SULT1E1: variants seen among roughly 807,000 people sequenced by gnomAD.
The protein encoded by SULT1E1 is sulfotransferase family 1E member 1, also known as sulfotransferase 1E1.
Under a neutral mutation model 33.6 loss-of-function variants are expected in SULT1E1, and 36 were observed. The ratio of observed to expected loss-of-function variants is 1.07; its 90% CI spans 0.82 to 1.41. The LOEUF is 1.41. Ranked by LOEUF, SULT1E1 falls within the 40% of genes most tolerant of loss-of-function variation. The pLI is 0.00. For synonymous variants in SULT1E1, 121 were observed against 111.7 expected, an observed-to-expected ratio of 1.08 and a Z score of -0.53; for missense variants, 371 against 345.7, an observed-to-expected ratio of 1.07 and a Z score of -0.58.
rs138080097 is a variant in SULT1E1, at chr4:69,843,275, C to T, written c.772+886G>A. Among the ~76,000 whole-genome samples the T allele has an allele frequency of 3.2e-3, 483 of 152,280 alleles. 4 individuals carry two copies. Among genetic ancestry groups the T allele is most frequent in the African/African-American group, 0.011 (453 of 41,546 alleles). ...AATCAGATAGGTTCTGAGGGTACAG[C>T]AGCAAGTCACCGTTTGCAAGCAAGA... On this transcript the variant is annotated intron_variant, in intron 7 of 7. Transcript: ENST00000226444.
At chr4:69,838,102 T>A (rs1390627131), downstream of SULT1E1, among the ~76,000 whole-genome samples, 1 of 152,176 alleles carries the variant, frequency 6.6e-6, no homozygotes. Context: ...TTTCACTGGT[T>A]GTAGAATCTG....
the SULT1E1 span, among the ~76,000 whole-genome samples, chr4:69,835,422 A>G: frequency 6.6e-6 from 1 of 152,216 alleles, no homozygotes; most frequent in African/African-American, 2.4e-5. Context: ...AATAGAGAGA[A>G]TAACTTGAAC....
chr4:69,821,834 T>G, the SULT1E1 span, among the ~76,000 whole-genome samples: 2 of 152,194 alleles, frequency 1.3e-5, no homozygotes. Context: ...ATCAAAGAAA[T>G]GTAATTTAAA....
At chr4:69,839,280 G>C (rs913177700), downstream of SULT1E1, among the ~76,000 whole-genome samples, 3 of 152,178 alleles carry the variant, frequency 2.0e-5, no homozygotes, top group African/African-American at 7.2e-5. Flanking sequence ...TTGGCATCTG[G>C]TGAGGGCCTT....
intron 4 of SULT1E1, among the ~76,000 whole-genome samples, chr4:69,852,900 T>C (rs1209278318): frequency 6.6e-6 from 1 of 152,034 alleles, no homozygotes; most frequent in Non-Finnish European, 1.5e-5. Flanking sequence ...GAAAAAAGTG[T>C]CTTGGTCAAA....
chr4:69,853,281 A>G (rs1431118444), intron 4 of SULT1E1, among the ~76,000 whole-genome samples: 1 of 152,100 alleles, frequency 6.6e-6, no homozygotes, highest in Admixed American at 6.6e-5. Context: ...GGTCATGTAT[A>G]ATATTATTTT....
the SULT1E1 span, among the ~76,000 whole-genome samples, chr4:69,829,249 A>T: frequency 6.6e-6 from 1 of 152,188 alleles, no homozygotes; most frequent in African/African-American, 2.4e-5. Context: ...TTCCTCACTG[A>T]CAAGAGAGGG....
intron 4 of SULT1E1, among the ~76,000 whole-genome samples, chr4:69,851,081 G>A (rs1721092387): frequency 6.6e-6 from 1 of 151,886 alleles, no homozygotes; most frequent in African/African-American, 2.4e-5. Flanking sequence ...ATTGCTTTTG[G>A]TGTTTTAGAC....
rs1721216039 is a variant in SULT1E1, at chr4:69,855,494, T to C, written c.146-68A>G. 6 of 1,494,434 alleles carry C rather than the reference T, an allele frequency of 4.0e-6. No individual in the cohort carries two copies. The Admixed American group carries it at 1.1e-4, about 27-fold the overall frequency. The allele number at this position is 1,494,434 out of a possible 1,614,324, so 92.6% of individuals were successfully genotyped here. On this transcript the variant is annotated intron_variant, in intron 2 of 7. Coordinates refer to ENST00000226444, the MANE Select transcript of SULT1E1 (RefSeq NM_005420.3). The stretch of plus-strand genomic sequence containing the variant: ...GAGTTGATGACATTAGTGCTGCATT[T>C]ATGGATGGAAAAAGTTGGAAGGTAC...
intron 7 of SULT1E1, among the ~76,000 whole-genome samples, chr4:69,843,117 T>A (rs1720912409): frequency 6.6e-6 from 1 of 152,164 alleles, no homozygotes; most frequent in Non-Finnish European, 1.5e-5. Context: ...ATTACAGGTG[T>A]GAGCCACCGC....
intron 5 of SULT1E1, among the ~76,000 whole-genome samples, chr4:69,848,581 G>A (rs551076734): frequency 6.6e-6 from 1 of 151,968 alleles, no homozygotes; most frequent in Admixed American, 6.6e-5. Context: ...CCTTTGCAGT[G>A]ATGCAAAATT....
chr4:69,842,013 T>C lies in SULT1E1; in HGVS notation c.866A>G (p.Lys289Arg), dbSNP rs1457203016. Residue 289 changes from lysine to arginine, a missense_variant, in exon 8 of 8, where the codon AAG becomes AGG. Coordinates refer to ENST00000226444, the MANE Select transcript of SULT1E1 (RefSeq NM_005420.3). ...YEQQMKESTL[K>R]FRTEI is the part of the protein sequence containing the mutation. ...ACCTTCTTAGATCTCAGTTCGAAACTTCAGTGTAGATTCCTTCATTTGCTG... is the reference window on the plus strand; with the variant it reads ...ACCTTCTTAGATCTCAGTTCGAAACCTCAGTGTAGATTCCTTCATTTGCTG... 1 of 1,606,004 alleles carries C rather than the reference T, an allele frequency of 6.2e-7. No homozygotes were observed. The highest frequency in any genetic ancestry group is 1.3e-5 in the African/African-American group (1 of 74,704).
At chr4:69,856,526 T>C (rs758107983) in intron 2 of SULT1E1, among the ~76,000 whole-genome samples, 6 of 152,172 alleles carry the variant, frequency 3.9e-5, no homozygotes, top group Non-Finnish European at 7.4e-5. Flanking sequence ...GCCAGATGAA[T>C]AAGCAAGAGA....
chr4:69,834,122 A>G, the SULT1E1 span, among the ~76,000 whole-genome samples: 1 of 151,982 alleles, frequency 6.6e-6, no homozygotes, highest in Admixed American at 6.6e-5. Context: ...AATTATCCAG[A>G]TCCTACTCCT....
chr4:69,842,125 C>T lies in SULT1E1; in HGVS notation c.773-19G>A. 1 of 1,414,126 alleles carries T rather than the reference C, an allele frequency of 7.1e-7. No homozygotes were observed. The highest frequency in any genetic ancestry group is 9.9e-7 in the Non-Finnish European group (1 of 1,011,136). 87.6% of individuals were successfully genotyped at this position (1,414,126 alleles called of 1,614,324 possible). ...GTAATTCCTGTAACAAAAAAGAAAG[C>T]TCAATAAATATTAAGTCTTCCAAAA... On this transcript the variant is annotated intron_variant, in intron 7 of 7. Transcript: ENST00000226444.
chr4:69,849,347 G>T (rs143147676), intron 5 of SULT1E1, 90 bp downstream of exon 5: 4 of 1,435,226 alleles, frequency 2.8e-6, no homozygotes, highest in East Asian at 2.4e-5. Flanking sequence ...GGAAGAAAAC[G>T]TACCAGAACA....
At chr4:69,841,056 AAAAAGAAAAT>A (rs983807309), downstream of SULT1E1, among the ~76,000 whole-genome samples, 5 of 152,136 alleles carry the variant, frequency 3.3e-5, no homozygotes, top group East Asian at 3.9e-4. Flanking sequence ...CGTCTCAAAA[AAAAAGAAAAT>A]AAAAGAAAAT....
the SULT1E1 span, among the ~76,000 whole-genome samples, chr4:69,822,146 T>G: frequency 6.6e-6 from 1 of 152,216 alleles, no homozygotes; most frequent in African/African-American, 2.4e-5. Flanking sequence ...GTAATTATTG[T>G]GATATAATTA....
At chr4:69,830,642 G>T in the SULT1E1 span, among the ~76,000 whole-genome samples, 1 of 152,168 alleles carries the variant, frequency 6.6e-6, no homozygotes. Context: ...CAGGGAACTG[G>T]CCCTGCGCAT....
Sources: gnomAD v4.1 joint callset for allele counts (sites outside exome capture counted in the v4.1 genomes callset) on GRCh38, gnomAD v4.1.1 for gene constraint, MANE v1.5 for transcripts, NCBI Gene and HGNC (gene_info 2026-07-23, HGNC 2026-07-21) for gene names.